ADAMTSL1: variants seen among roughly 807,000 people sequenced by gnomAD.
ADAMTSL1 encodes the protein ADAMTS-like protein 1.
In ADAMTSL1, 126 loss-of-function variants were observed where a neutral mutation model predicts 201.8. That is an observed-to-expected ratio of 0.62 (90% CI 0.54 to 0.72). The LOEUF (loss-of-function observed/expected upper bound fraction) is 0.72, where lower values mean the gene tolerates loss of function less well. Ranked by LOEUF, ADAMTSL1 falls within the 30% of genes least tolerant of loss-of-function variation. ADAMTSL1 has a pLI of 0.00. For synonymous variants in ADAMTSL1, 1,121 were observed against 903.4 expected (o/e 1.24, Z -4.32); for missense variants, 2,679 against 2,277.8 (o/e 1.18, Z -3.59).
chr9:18,026,612 T>A (rs191472385), intron 1 of ADAMTSL1, among the ~76,000 whole-genome samples: 214 of 152,236 alleles, frequency 1.4e-3, no homozygotes, highest in Middle Eastern at 3.4e-3. Context: ...TTTGCAAGTA[T>A]TGTCTTGAGG....
At chr9:18,571,920 C>T (rs111495941) in intron 3 of ADAMTSL1, among the ~76,000 whole-genome samples, 3,529 of 152,212 alleles carry the variant, frequency 0.023, 140 homozygotes, top group African/African-American at 0.08. Flanking sequence ...TGGCCAGTTG[C>T]GGTGGCTCAT....
At chr9:17,977,562 G>T (rs1013843078) in intron 1 of ADAMTSL1, among the ~76,000 whole-genome samples, 3 of 151,772 alleles carry the variant, frequency 2.0e-5, no homozygotes, top group East Asian at 1.9e-4. Flanking sequence ...TTTTTTATAG[G>T]TTATTAAATT....
chr9:18,099,349 ATATATATTTTTT>A lies in ADAMTSL1; in HGVS notation c.88-64511_88-64500del, dbSNP rs1221899852. On this transcript the variant is annotated intron_variant, in intron 1 of 29. Transcript: ENST00000680146. Reference sequence around the variant, plus strand: ...AAAATATATATATATATATATATATATATATATTTTTTTTTTTTTTTTTAACATCCATTAATT... The same window carrying A: ...AAAATATATATATATATATATATATATTTTTTTTTTTAACATCCATTAATT... 7.1e-3 allele frequency among the ~76,000 whole-genome samples: 349 copies of A among 49,296 alleles called. 16 individuals are homozygous for A. Among genetic ancestry groups the A allele is most frequent in the African/African-American group, 0.021 (310 of 14,946 alleles). The allele number at this position is 49,296 out of a possible 152,430, so 32.3% of individuals were successfully genotyped here. A position where few individuals can be genotyped will look rare whatever the true frequency, so the allele number is the denominator to read the frequency against.
At chr9:18,777,928 G>A in intron 19 of ADAMTSL1, 22 bp downstream of exon 19, 1 of 1,518,804 alleles carries the variant, frequency 6.6e-7, no homozygotes, top group Non-Finnish European at 8.8e-7. Context: ...AGCTAACCTG[G>A]TCTTGGGAGG....
chr9:18,221,916 T>C (rs191487245), intron 2 of ADAMTSL1, among the ~76,000 whole-genome samples: 1 of 152,222 alleles, frequency 6.6e-6, no homozygotes, highest in Admixed American at 6.5e-5. Context: ...TATGACAAAT[T>C]TATAATGATT....
chr9:18,200,356 C>T (rs973375714), intron 2 of ADAMTSL1, among the ~76,000 whole-genome samples: 1 of 151,828 alleles, frequency 6.6e-6, no homozygotes, highest in Non-Finnish European at 1.5e-5. Flanking sequence ...TTATTCTATA[C>T]TCATTTGATT....
At chr9:18,683,224 T>C (rs1267277243) in intron 12 of ADAMTSL1, among the ~76,000 whole-genome samples, 2 of 52,590 alleles carry the variant, frequency 3.8e-5, no homozygotes, top group African/African-American at 9.0e-5. Context: ...TACTGAGGTT[T>C]TTTTTGTTTT....
At chr9:18,325,715 T>G (rs1834803252) in intron 2 of ADAMTSL1, among the ~76,000 whole-genome samples, 1 of 151,438 alleles carries the variant, frequency 6.6e-6, no homozygotes, top group Non-Finnish European at 1.5e-5. Context: ...AGCTAGGTGT[T>G]GCCTGAAGCC....
In ADAMTSL1 at chr9:18,699,673, A is replaced by G. The variant is rs369303337; in HGVS notation, c.1575-7074A>G. Reference sequence around the variant, plus strand: ...AATTAAGTTCTTCTGTCAAATTATTACTGGTTAGCAATATTAGACAGGGAC... The same window carrying G: ...AATTAAGTTCTTCTGTCAAATTATTGCTGGTTAGCAATATTAGACAGGGAC... On this transcript the variant is annotated intron_variant, in intron 13 of 28. Coordinates refer to ENST00000380548, the MANE Select transcript of ADAMTSL1 (RefSeq NM_001040272.6). Among the ~76,000 whole-genome samples, 22 of 152,212 alleles carry G rather than the reference A, an allele frequency of 1.4e-4. 1 individual carries two copies. In the East Asian group the frequency reaches 2.5e-3, roughly 17 times the overall value.
At chr9:18,677,671 C>A (rs948345586) in intron 10 of ADAMTSL1, among the ~76,000 whole-genome samples, 1 of 151,924 alleles carries the variant, frequency 6.6e-6, no homozygotes, top group Non-Finnish European at 1.5e-5. Context: ...AAATTGATTT[C>A]TTATAGGTTG....
chr9:18,226,966 G>A (rs899105822), intron 2 of ADAMTSL1, among the ~76,000 whole-genome samples: 1 of 152,120 alleles, frequency 6.6e-6, no homozygotes, highest in African/African-American at 2.4e-5. Context: ...TAGGGCCCAT[G>A]AAAGTTTGAA....
At position 18,908,352 on chromosome 9, in the gene ADAMTSL1, C is replaced by T. The variant is rs559603556; in HGVS notation, c.5183-90C>T. 7.0e-5 allele frequency: 79 copies of T among 1,135,798 alleles called. No individual in the cohort carries two copies. In the Middle Eastern group the frequency reaches 1.3e-3, roughly 19 times the overall value. The allele number at this position is 1,135,798 out of a possible 1,614,324, so 70.4% of individuals were successfully genotyped here. On this transcript the variant is annotated intron_variant, in intron 28 of 28. Coordinates refer to ENST00000380548, the MANE Select transcript of ADAMTSL1 (RefSeq NM_001040272.6). The stretch of plus-strand genomic sequence containing the variant: ...AGGATGTACCCCAGTGGCTGAAACC[C>T]CCGGCTGCACCTCACACAGGCTGCG...
intron 1 of ADAMTSL1, among the ~76,000 whole-genome samples, chr9:17,971,461 A>T (rs181750461): frequency 7.2e-4 from 110 of 152,206 alleles, no homozygotes; most frequent in Non-Finnish European, 1.3e-3. Context: ...GACACAAGCA[A>T]TCATAGCTAA....
At chr9:18,846,417 C>T (rs371207982) in intron 23 of ADAMTSL1, among the ~76,000 whole-genome samples, 158 of 152,148 alleles carry the variant, frequency 1.0e-3, no homozygotes, top group African/African-American at 3.1e-3. Flanking sequence ...GTAGAGGAGC[C>T]GGCAGAGGTT....
rs78795431 is a variant in ADAMTSL1 at position 18,554,923 on chromosome 9, A to G, written c.238-19107A>G. ...GTCAAGGTTTACTCTTGTGTTGTACATTCTATGGGTTTTCACAAATATGTA... is the reference window on the plus strand; with the variant it reads ...GTCAAGGTTTACTCTTGTGTTGTACGTTCTATGGGTTTTCACAAATATGTA... On this transcript the variant is annotated intron_variant, in intron 3 of 28. Coordinates refer to ENST00000380548, the MANE Select transcript of ADAMTSL1 (RefSeq NM_001040272.6). Among the ~76,000 whole-genome samples, 876 of 142,574 alleles carry G rather than the reference A, an allele frequency of 6.1e-3. 9 individuals carry two copies. In the East Asian group the frequency reaches 0.064, roughly 10 times the overall value. 93.5% of individuals were successfully genotyped at this position (142,574 alleles called of 152,430 possible).
At chr9:18,828,661 TATATATATATATA>T (rs140234103) in intron 22 of ADAMTSL1, among the ~76,000 whole-genome samples, 5,667 of 60,582 alleles carry the variant, frequency 0.094, 830 homozygotes, top group East Asian at 0.43. Context: ...AAAGTATATT[TATATATATATATA>T]TATATATATA....
chr9:17,963,453 TTAAAG>T (rs1817840937), intron 1 of ADAMTSL1, among the ~76,000 whole-genome samples: 1 of 152,096 alleles, frequency 6.6e-6, no homozygotes. Flanking sequence ...AAAACAATTG[TTAAAG>T]TAATAAAATT....
Position 18,450,314 on chromosome 9 carries a change from T to C in ADAMTSL1, c.208-54515T>C, listed in dbSNP as rs1587250512. Among the ~76,000 whole-genome samples the C allele has an allele frequency of 2.0e-5, 3 of 152,226 alleles. No individual in the cohort carries two copies. In the South Asian group the frequency reaches 6.2e-4, roughly 32 times the overall value. On this transcript the variant is annotated intron_variant, in intron 2 of 29. Transcript: ENST00000680146. ...TATACATTTGTCAAAACTCATAAAATTGAATGCCCAAAATGGGTAGATTTT... is the reference window on the plus strand; with the variant it reads ...TATACATTTGTCAAAACTCATAAAACTGAATGCCCAAAATGGGTAGATTTT...
intron 2 of ADAMTSL1, among the ~76,000 whole-genome samples, chr9:18,400,269 C>T (rs1817936293): frequency 6.6e-6 from 1 of 151,896 alleles, no homozygotes; most frequent in Admixed American, 6.6e-5. Context: ...CTCTGATCAC[C>T]CTATCATATT....
Sources: allele counts gnomAD v4.1 joint callset (sites outside exome capture counted in the v4.1 genomes callset), GRCh38; gene constraint gnomAD v4.1.1; transcripts MANE v1.5; gene names NCBI Gene and HGNC (gene_info 2026-07-23, HGNC 2026-07-21).